CUX2: variants seen among roughly 807,000 people sequenced by gnomAD.
CUX2 encodes homeobox protein cut-like 2.
In CUX2, 40 loss-of-function variants were observed where a neutral mutation model predicts 144.8. The observed-to-expected ratio is 0.28, with a 90% CI of 0.21 to 0.36. The LOEUF (loss-of-function observed/expected upper bound fraction) is 0.36. Among genes scored for constraint, CUX2 ranks in the 10% least tolerant of loss-of-function variants. CUX2 has a pLI of 1.00. For missense variants in CUX2, 1,615 were observed against 1,994.0 expected (o/e 0.81, Z 3.62); for synonymous variants, 827 against 875.6 (o/e 0.94, Z 0.98).
intron 2 of CUX2, among the ~76,000 whole-genome samples, chr12:111,216,807 G>A (rs1433921131): frequency 6.6e-6 from 1 of 152,220 alleles, no homozygotes; most frequent in African/African-American, 2.4e-5. Flanking sequence ...GCTCAGGAAA[G>A]CCCTGGGGAC....
At chr12:111,254,851 C>CT (rs111442805) in intron 3 of CUX2, among the ~76,000 whole-genome samples, 9,391 of 151,452 alleles carry the variant, frequency 0.062, 958 homozygotes, top group African/African-American at 0.21. Context: ...GCCAAGCAGT[C>CT]TTTTTTTTTC....
intron 3 of CUX2, among the ~76,000 whole-genome samples, chr12:111,227,709 T>C (rs1446694136): frequency 6.6e-6 from 1 of 151,974 alleles, no homozygotes; most frequent in Non-Finnish European, 1.5e-5. Context: ...TGATGGAGGC[T>C]CCCCTAGAGG....
chr12:111,193,262 C>T (rs1453124502), intron 1 of CUX2, among the ~76,000 whole-genome samples: 1 of 152,238 alleles, frequency 6.6e-6, no homozygotes. Flanking sequence ...TGATTAGTCC[C>T]TCCAAATACC....
intron 1 of CUX2, among the ~76,000 whole-genome samples, chr12:111,043,105 T>A (rs908280813): frequency 2.6e-5 from 4 of 152,074 alleles, no homozygotes; most frequent in African/African-American, 9.7e-5. Flanking sequence ...ACAAATACAA[T>A]AACTAATAAT....
intron 1 of CUX2, among the ~76,000 whole-genome samples, chr12:111,049,555 A>G (rs1870165381): frequency 6.6e-6 from 1 of 152,234 alleles, no homozygotes; most frequent in Non-Finnish European, 1.5e-5. Context: ...GGAGACAAAC[A>G]CTGGCCCTGC....
intron 1 of CUX2, among the ~76,000 whole-genome samples, chr12:111,065,606 G>T (rs1870985992): frequency 6.6e-6 from 1 of 152,210 alleles, no homozygotes; most frequent in African/African-American, 2.4e-5. Context: ...AAAGTGCTGG[G>T]ATTATAGGCA....
In CUX2 at chr12:111,247,233, C is replaced by T. The variant is rs1883320605; in HGVS notation, c.223-16528C>T. ...GTGGAAAGTTAGGCAGCAAGGACCC[C>T]GGCTAGACTGGGCTGGGATCAGACA... On this transcript the variant is annotated intron_variant, in intron 3 of 21. Transcript: ENST00000261726. 3.3e-5 allele frequency among the ~76,000 whole-genome samples: 5 copies of T among 152,150 alleles called. No individual in the cohort carries two copies. In the South Asian group the frequency reaches 6.2e-4, roughly 19 times the overall value.
chr12:111,195,102 C>T (rs1306833114), intron 1 of CUX2, among the ~76,000 whole-genome samples: 1 of 152,212 alleles, frequency 6.6e-6, no homozygotes, highest in African/African-American at 2.4e-5. Flanking sequence ...CCAGCCAGCA[C>T]CTGCAGTCAC....
chr12:111,052,028 C>T (rs930701841), intron 1 of CUX2, among the ~76,000 whole-genome samples: 4 of 151,996 alleles, frequency 2.6e-5, no homozygotes, highest in Admixed American at 6.6e-5. Context: ...ATTGTACATG[C>T]GCCCTCTGTT....
chr12:111,050,922 A>C (rs544482485), intron 1 of CUX2, among the ~76,000 whole-genome samples: 2 of 152,350 alleles, frequency 1.3e-5, no homozygotes, highest in Non-Finnish European at 2.9e-5. Context: ...GAAGGAATAC[A>C]TTCTAATGTT....
chr12:111,104,881 C>G (rs917276557), intron 1 of CUX2, among the ~76,000 whole-genome samples: 3 of 152,124 alleles, frequency 2.0e-5, no homozygotes, highest in African/African-American at 7.2e-5. Flanking sequence ...AGCTGTGGCC[C>G]TCAGAGAATG....
At chr12:111,151,813 C>G (rs1877068912) in intron 1 of CUX2, among the ~76,000 whole-genome samples, 1 of 152,134 alleles carries the variant, frequency 6.6e-6, no homozygotes, top group Non-Finnish European at 1.5e-5. Flanking sequence ...ATGGTTCGGG[C>G]ATCTTTGTTT....
chr12:111,309,141 G>A (rs1333785738), intron 14 of CUX2, among the ~76,000 whole-genome samples: 1 of 152,160 alleles, frequency 6.6e-6, no homozygotes, highest in East Asian at 1.9e-4. Context: ...CTGACCTCAG[G>A]TGATCCGCCT....
chr12:111,221,018 C>T (rs1881831524), intron 3 of CUX2, among the ~76,000 whole-genome samples: 2 of 151,362 alleles, frequency 1.3e-5, no homozygotes, highest in Admixed American at 6.6e-5. Flanking sequence ...TCTGGCACAC[C>T]GTTGGTGCTC....
At chr12:111,231,408 A>C (rs1484653186) in intron 3 of CUX2, among the ~76,000 whole-genome samples, 2 of 152,250 alleles carry the variant, frequency 1.3e-5, no homozygotes, top group Non-Finnish European at 1.5e-5. Flanking sequence ...GTAGGTTTAT[A>C]TGATTTAATT....
intron 19 of CUX2, among the ~76,000 whole-genome samples, chr12:111,335,100 T>C (rs903734708): frequency 2.7e-5 from 4 of 150,786 alleles, no homozygotes; most frequent in Non-Finnish European, 5.9e-5. Flanking sequence ...GTCTATAAAA[T>C]AAATTAATGG....
intron 1 of CUX2, among the ~76,000 whole-genome samples, chr12:111,151,019 C>T (rs1405681665): frequency 6.6e-6 from 1 of 152,152 alleles, no homozygotes; most frequent in Non-Finnish European, 1.5e-5. Flanking sequence ...GATAAACACC[C>T]TTCCTATGTT....
At chr12:111,269,613 C>T (rs1884543821) in intron 4 of CUX2, among the ~76,000 whole-genome samples, 3 of 152,104 alleles carry the variant, frequency 2.0e-5, no homozygotes, top group Admixed American at 1.3e-4. Context: ...GGCAGGAAGA[C>T]AAAGGGAAAC....
intron 18 of CUX2, among the ~76,000 whole-genome samples, chr12:111,326,797 G>A (rs558019827): frequency 2.5e-4 from 38 of 152,158 alleles, no homozygotes; most frequent in African/African-American, 8.9e-4. Flanking sequence ...CCAGCTACTC[G>A]GGAGGCTAAG....
Sources: gnomAD v4.1 joint callset for allele counts (sites outside exome capture counted in the v4.1 genomes callset) on GRCh38, gnomAD v4.1.1 for gene constraint, MANE v1.5 for transcripts, NCBI Gene and HGNC (gene_info 2026-07-23, HGNC 2026-07-21) for gene names.